The following DDB1 variants were observed in gnomAD, a reference collection of about 807,000 sequenced individuals.
DDB1 encodes damage specific DNA binding protein 1, also known as DNA damage-binding protein 1.
DDB1 carries 18 observed loss-of-function variants against 133.1 expected under a neutral mutation model. The ratio of observed to expected loss-of-function variants is 0.14; its 90% CI spans 0.09 to 0.20. The LOEUF (loss-of-function observed/expected upper bound fraction) is 0.20, where lower values mean the gene tolerates loss of function less well. Ranked by LOEUF, DDB1 falls within the 10% of genes least tolerant of loss-of-function variation. The probability of loss-of-function intolerance (pLI) is 1.00; values close to 1 mark genes in which losing one functional copy is unlikely to be tolerated. For missense variants in DDB1, 828 were observed against 1,459.2 expected (o/e 0.57, Z 7.05); for synonymous variants, 580 against 550.5 (o/e 1.05, Z -0.75).
At chr11:61,332,867 A>G (rs1363052158) in intron 1 of DDB1, 41 bp downstream of exon 1, 8 of 1,432,332 alleles carry the variant, frequency 5.6e-6, no homozygotes, top group Non-Finnish European at 7.4e-6. Context: ...GCTCCCCCCA[A>G]CTCCCTCACT....
intron 16 of DDB1, among the ~76,000 whole-genome samples, chr11:61,312,804 G>A (rs11826229): frequency 1.3e-5 from 2 of 151,806 alleles, no homozygotes; most frequent in Non-Finnish European, 2.9e-5. Context: ...TCGCCATGTC[G>A]GCCAGACTGG....
chr11:61,316,612 C>A, intron 10 of DDB1, 45 bp from the exon 11 acceptor site: 1 of 1,598,410 alleles, frequency 6.3e-7, no homozygotes, highest in Non-Finnish European at 8.6e-7. Context: ...CAGACCAACA[C>A]TTAGCATGCA....
intron 21 of DDB1, among the ~76,000 whole-genome samples, chr11:61,306,419 C>T (rs1407329879): frequency 6.6e-6 from 1 of 152,158 alleles, no homozygotes. Context: ...GCTCACACCA[C>T]CAGACCACAC....
rs1161614661 is a variant in DDB1 at position 61,312,795 on chromosome 11, C to T, written c.2069+704G>A. On this transcript the variant is annotated intron_variant, in intron 16 of 26. Transcript: ENST00000301764. Reference sequence around the variant, plus strand: ...TGTATTTTTAGTAGAGATGGGGTTTCGCCATGTCGGCCAGACTGGTCTCGA... The same window carrying T: ...TGTATTTTTAGTAGAGATGGGGTTTTGCCATGTCGGCCAGACTGGTCTCGA... Among the ~76,000 whole-genome samples the T allele has an allele frequency of 5.3e-5, 8 of 151,992 alleles. No homozygotes were observed. In the East Asian group the frequency reaches 7.7e-4, roughly 15 times the overall value.
chr11:61,315,520 G>A (rs1331727037), intron 12 of DDB1: 1 of 152,196 alleles, frequency 6.6e-6, no homozygotes, highest in East Asian at 1.9e-4. Flanking sequence ...CCACTGCCAG[G>A]TGGCTAAAAG....
At chr11:61,302,480 G>GT (rs1343984014) in intron 24 of DDB1, 102 bp downstream of exon 24, 12 of 1,581,726 alleles carry the variant, frequency 7.6e-6, no homozygotes, top group African/African-American at 1.3e-5. Context: ...GCCTCCTCTA[G>GT]TAAACACCTA....
At chr11:61,310,451 C>A in intron 18 of DDB1, 33 bp from the exon 19 acceptor site, 2 of 1,570,542 alleles carry the variant, frequency 1.3e-6, no homozygotes, top group South Asian at 2.4e-5. Context: ...TCATCCTTCT[C>A]AAACACAGAA....
intron 2 of DDB1, 150 bp downstream of exon 2, chr11:61,331,393 G>C (rs908875227): frequency 2.0e-6 from 2 of 1,023,380 alleles, no homozygotes; most frequent in Non-Finnish European, 2.8e-6. Context: ...CTAAAGTGGA[G>C]GGATTGCTTG....
Position 61,310,311 on chromosome 11 carries a change from G to T in DDB1, c.2385C>A (p.Asp795Glu). The change falls in exon 19 of 27, where the codon GAC (aspartate) becomes GAA (glutamate). Residue 795 changes from aspartate to glutamate, a missense_variant. This residue lies in a region of DDB1 where 396 missense variants were observed against 554.1 expected (regional missense o/e 0.71). Coordinates refer to ENST00000301764, the MANE Select transcript of DDB1 (RefSeq NM_001923.5). Reference protein sequence around the residue: ...EVEVHNLLIIDQHTFEVLHAH... With the variant: ...EVEVHNLLIIEQHTFEVLHAH... The stretch of plus-strand genomic sequence containing the variant: ...CATGTGCACCTTCAAAGGTGTGTTG[G>T]TCAATGATAAGTAGGTTGTGCACCT... 1 of 1,611,300 alleles carries T rather than the reference G, an allele frequency of 6.2e-7. No individual in the cohort carries two copies. Among genetic ancestry groups the T allele is most frequent in the Non-Finnish European group, 8.5e-7 (1 of 1,179,392 alleles).
intron 16 of DDB1, among the ~76,000 whole-genome samples, chr11:61,313,251 A>G (rs1004418516): frequency 2.6e-5 from 4 of 152,216 alleles, no homozygotes; most frequent in African/African-American, 7.2e-5. Context: ...GAATCACCTG[A>G]TAAGTTTTCT....
rs1856196504 is a variant in DDB1, at chr11:61,322,417, T to C, written c.1006-5A>G. 6.2e-7 allele frequency: 1 copy of C among 1,607,724 alleles called. No individual in the cohort carries two copies. On this transcript the variant is annotated splice_polypyrimidine_tract_variant and splice_region_variant and intron_variant, in intron 8 of 26. Transcript: ENST00000301764. Reference sequence around the variant, plus strand: ...TTCATTACTGTCAACGTTGAGCTAATAAGAAAGAACAATGTTATGTTAGTC... The same window carrying C: ...TTCATTACTGTCAACGTTGAGCTAACAAGAAAGAACAATGTTATGTTAGTC...
intron 21 of DDB1, among the ~76,000 whole-genome samples, chr11:61,304,598 G>C (rs750049070): frequency 3.9e-5 from 6 of 152,200 alleles, no homozygotes; most frequent in Non-Finnish European, 8.8e-5. Context: ...TGTGCAGCCG[G>C]CCGCAGTGGC....
rs756998915 is a variant in DDB1, at chr11:61,313,872, G to A, written c.1851C>T (p.Asn617=). 1.4e-5 allele frequency: 22 copies of A among 1,613,996 alleles called. No individual in the cohort carries two copies. In the East Asian group the frequency reaches 4.5e-4, roughly 33 times the overall value. ...AAATACTACTCTCACCTGTCTCAATGTTGAGCCCAAAGTAGAAAAGCGCTC... is the reference window on the plus strand; with the variant it reads ...AAATACTACTCTCACCTGTCTCAATATTGAGCCCAAAGTAGAAAAGCGCTC... The part of the protein sequence containing the change: ...GDGALFYFGL[N]IETGLLSDRK... Residue 617 remains asparagine (N), a synonymous_variant, in exon 15 of 27, where the codon AAC becomes AAT. Coordinates refer to ENST00000301764, the MANE Select transcript of DDB1 (RefSeq NM_001923.5).
rs1461282151 is a variant in DDB1 at position 61,299,637 on chromosome 11, C to T, written c.*499G>A. 6.3e-6 allele frequency: 1 copy of T among 159,300 alleles called. No homozygotes were observed. Among genetic ancestry groups the T allele is most frequent in the African/African-American group, 2.4e-5 (1 of 41,540 alleles). The allele number at this position is 159,300 out of a possible 1,614,324, so 9.9% of individuals were successfully genotyped here. ...GGCAGTCAGGCCTCTAGGCCTGATG[C>T]TCTCAGAGGCAATAGAAGAAAAGTA... is the stretch of plus-strand genomic sequence containing the variant. On this transcript the variant is annotated 3_prime_UTR_variant, in exon 27 of 27. Transcript: ENST00000301764.
At chr11:61,314,267 G>GA in intron 13 of DDB1, 41 bp downstream of exon 13, 1 of 1,595,844 alleles carries the variant, frequency 6.3e-7, no homozygotes, top group Non-Finnish European at 8.5e-7. Flanking sequence ...AAGTCCTAGA[G>GA]AAAAGAGGAG....
chr11:61,305,560 A>C (rs1396086872), intron 21 of DDB1, among the ~76,000 whole-genome samples: 1 of 152,152 alleles, frequency 6.6e-6, no homozygotes, highest in East Asian at 1.9e-4. Context: ...CACAGGGTAA[A>C]AGGTACCTCC....
chr11:61,324,457 C>T (rs1856236504), intron 6 of DDB1: 1 of 235,668 alleles, frequency 4.2e-6, no homozygotes, highest in Admixed American at 4.9e-5. Context: ...CATGCTACTA[C>T]AAATGTTGTT....
chr11:61,314,250 C>T (rs1292736059), intron 13 of DDB1, 40 bp from the exon 14 acceptor site: 1 of 1,591,904 alleles, frequency 6.3e-7, no homozygotes, highest in Admixed American at 1.8e-5. Context: ...GAATCCAAGG[C>T]TCAAAGAAGT....
In DDB1 at chr11:61,305,604, T is replaced by C. The variant is rs1855871059; in HGVS notation, c.2662-1569A>G. On this transcript the variant is annotated intron_variant, in intron 21 of 26. Coordinates refer to ENST00000301764, the MANE Select transcript of DDB1 (RefSeq NM_001923.5). ...CCGTCTTCAGGTAAGCCCACCTTGC[T>C]GGGCCTCCACACCTCCAACAGAAAG... 2.6e-5 allele frequency among the ~76,000 whole-genome samples: 4 copies of C among 152,184 alleles called. No individual in the cohort carries two copies. The South Asian group carries it at 8.3e-4, about 32-fold the overall frequency.
Sources: allele counts gnomAD v4.1 joint callset (sites outside exome capture counted in the v4.1 genomes callset), GRCh38; gene constraint gnomAD v4.1.1; regional missense constraint gnomAD v4.1.1; transcripts MANE v1.5; gene names NCBI Gene and HGNC (gene_info 2026-07-23, HGNC 2026-07-21).